SLC60A2: variants seen among roughly 807,000 people sequenced by gnomAD.
SLC60A2 encodes the protein major facilitator superfamily domain containing 4B.
At chr6:111,278,337 T>C in the SLC60A2 span, 2 of 152,220 alleles carry the variant, frequency 1.3e-5, no homozygotes, top group Non-Finnish European at 2.9e-5. Context: ...TCCAGGTTTA[T>C]GGGAAACATT....
At chr6:111,274,056 A>G in the SLC60A2 span, among the ~76,000 whole-genome samples, 3 of 151,986 alleles carry the variant, frequency 2.0e-5, no homozygotes, top group South Asian at 2.1e-4. Context: ...AGGTCTCACT[A>G]TGTTGCGCAG....
chr6:111,272,293 A>G, the SLC60A2 span, among the ~76,000 whole-genome samples: 2 of 152,122 alleles, frequency 1.3e-5, no homozygotes, highest in South Asian at 4.1e-4. Flanking sequence ...GTGAGCCACC[A>G]TGCCCAGCCC....
At chr6:111,270,055 G>T in the SLC60A2 span, 1 of 152,094 alleles carries the variant, frequency 6.6e-6, no homozygotes, top group Non-Finnish European at 1.5e-5. Flanking sequence ...ACTGAGGTAC[G>T]TGTTTCTTGC....
the SLC60A2 span, chr6:111,259,777 C>T: frequency 6.5e-6 from 10 of 1,528,932 alleles, no homozygotes; most frequent in South Asian, 2.4e-5. Context: ...CGAGTCTTGC[C>T]TTCGCCACTT....
At chr6:111,273,140 T>A in the SLC60A2 span, among the ~76,000 whole-genome samples, 14 of 152,140 alleles carry the variant, frequency 9.2e-5, no homozygotes, top group African/African-American at 3.4e-4. Flanking sequence ...AAAGATTATA[T>A]TGTGGTCAGA....
the SLC60A2 span, among the ~76,000 whole-genome samples, chr6:111,275,354 T>C: frequency 6.6e-6 from 1 of 152,108 alleles, no homozygotes; most frequent in Non-Finnish European, 1.5e-5. Flanking sequence ...TGGAGGAATG[T>C]TTTGAAGTTA....
chr6:111,262,578 T>C, the SLC60A2 span, among the ~76,000 whole-genome samples: 1 of 152,240 alleles, frequency 6.6e-6, no homozygotes, highest in Non-Finnish European at 1.5e-5. Flanking sequence ...CCCTGGTACC[T>C]GCTTTCATCT....
chr6:111,265,929 C>T, the SLC60A2 span: 3 of 1,614,050 alleles, frequency 1.9e-6, no homozygotes, highest in South Asian at 1.1e-5. Flanking sequence ...CCCACATATG[C>T]AGGCCTTACA....
the SLC60A2 span, among the ~76,000 whole-genome samples, chr6:111,262,013 T>A: frequency 2.0e-5 from 3 of 152,078 alleles, no homozygotes; most frequent in Admixed American, 6.6e-5. Flanking sequence ...CTTTTAAAGG[T>A]ATTGTTCAGA....
At chr6:111,273,508 T>TG in the SLC60A2 span, among the ~76,000 whole-genome samples, 6,548 of 72,476 alleles carry the variant, frequency 0.09, 225 homozygotes, top group Non-Finnish European at 0.19. Context: ...TTTTTTTTTT[T>TG]TTTTTGTTTA....
At chr6:111,262,505 C>A in the SLC60A2 span, 1 of 1,361,008 alleles carries the variant, frequency 7.3e-7, no homozygotes, top group Non-Finnish European at 1.0e-6. Flanking sequence ...AAAATACTAG[C>A]ATGCAGAATG....
At chr6:111,271,381 T>C in the SLC60A2 span, among the ~76,000 whole-genome samples, 4 of 151,910 alleles carry the variant, frequency 2.6e-5, no homozygotes, top group Non-Finnish European at 5.9e-5. Flanking sequence ...CACAAAAATA[T>C]AAGGAACAAG....
the SLC60A2 span, among the ~76,000 whole-genome samples, chr6:111,276,853 A>G: frequency 1.1e-4 from 17 of 152,138 alleles, no homozygotes; most frequent in African/African-American, 3.9e-4. Context: ...CATCTTCTAT[A>G]TATCTCTGGT....
chr6:111,262,154 A>G, the SLC60A2 span: 3 of 891,498 alleles, frequency 3.4e-6, no homozygotes, highest in Admixed American at 8.1e-5. Context: ...TGTAAATCCC[A>G]GACCCTCCGC....
chr6:111,272,343 T>G, the SLC60A2 span, among the ~76,000 whole-genome samples: 6 of 152,104 alleles, frequency 3.9e-5, no homozygotes, highest in Admixed American at 6.5e-5. Context: ...TGTGTAGTGA[T>G]CAAAGCAGGG....
the SLC60A2 span, chr6:111,265,563 T>A: frequency 1.2e-5 from 2 of 169,710 alleles, no homozygotes; most frequent in Admixed American, 1.3e-4. Context: ...TAAATATTTC[T>A]TCTGCAGTCT....
At chr6:111,265,762 A>G in the SLC60A2 span, 2 of 796,956 alleles carry the variant, frequency 2.5e-6, no homozygotes, top group Non-Finnish European at 3.9e-6. Flanking sequence ...TTAGAATATT[A>G]TAATGCTTGT....
the SLC60A2 span, chr6:111,265,352 GGTGTCCTT>G: frequency 4.2e-5 from 41 of 984,986 alleles, no homozygotes; most frequent in Non-Finnish European, 4.7e-5. Context: ...GATGCTAAAC[GGTGTCCTT>G]GTTTCCTCTA....
At chr6:111,270,409 A>C in the SLC60A2 span, 1 of 152,248 alleles carries the variant, frequency 6.6e-6, no homozygotes, top group Non-Finnish European at 1.5e-5. Context: ...AGAGCAGGAC[A>C]TGATGGCTCA....
Sources: allele counts gnomAD v4.1 joint callset (sites outside exome capture counted in the v4.1 genomes callset), GRCh38; gene constraint gnomAD v4.1.1; transcripts MANE v1.5; gene names NCBI Gene and HGNC (gene_info 2026-07-23, HGNC 2026-07-21).